DOCK5: variants seen among roughly 807,000 people sequenced by gnomAD.
DOCK5 encodes the protein dedicator of cytokinesis protein 5.
DOCK5 carries 142 observed loss-of-function variants against 251.8 expected under a neutral mutation model. The observed-to-expected ratio is 0.56, with a 90% CI of 0.49 to 0.65. The LOEUF (loss-of-function observed/expected upper bound fraction) is 0.65, where lower values mean the gene tolerates loss of function less well. Ranked by LOEUF, DOCK5 falls within the 30% of genes least tolerant of loss-of-function variation. The pLI is 0.00. For missense variants in DOCK5, 2,111 were observed against 2,312.3 expected, an observed-to-expected ratio of 0.91 and a Z score of 1.79; for synonymous variants, 842 against 835.5, an observed-to-expected ratio of 1.01 and a Z score of -0.13.
rs200398013 is a variant in DOCK5, at chr8:25,353,569, A to ATT, written c.2850+1753_2850+1754dup. Among the ~76,000 whole-genome samples the ATT allele has an allele frequency of 2.3e-3, 335 of 147,780 alleles. 1 individual carries two copies. The highest frequency in any genetic ancestry group is 7.9e-3 in the African/African-American group (319 of 40,540). ...GTCAGATTGTTGGCAAGGAAATACT[A>ATT]TTTTTTTTTTTACCAACAGAAAGAG... On this transcript the variant is annotated intron_variant, in intron 27 of 51. Coordinates refer to ENST00000276440, the MANE Select transcript of DOCK5 (RefSeq NM_024940.8).
In DOCK5 at chr8:25,415,542, T is replaced by C. The variant is rs1036296418; in HGVS notation, c.*4244T>C. 6.6e-6 allele frequency: 1 copy of C among 152,234 alleles called. No homozygotes were observed. Among genetic ancestry groups the C allele is most frequent in the Non-Finnish European group, 1.5e-5 (1 of 68,036 alleles). 9.4% of individuals were successfully genotyped at this position (152,234 alleles called of 1,614,324 possible). A position where few individuals can be genotyped will look rare whatever the true frequency, so the allele number is the denominator to read the frequency against. On this transcript the variant is annotated 3_prime_UTR_variant, in exon 52 of 52. Transcript: ENST00000276440. ...GTCCAAACTCATCTACTATTAGCCA[T>C]ATTTTGTGAGTCGTTTGTCTAAACT... is the stretch of plus-strand genomic sequence containing the variant.
In DOCK5 at chr8:25,293,305, T is replaced by C. The variant is rs1489415079; in HGVS notation, c.470+1133T>C. Among the ~76,000 whole-genome samples, 3 of 152,338 alleles carry C rather than the reference T, an allele frequency of 2.0e-5. No homozygotes were observed. In the East Asian group the frequency reaches 5.8e-4, roughly 29 times the overall value. On this transcript the variant is annotated intron_variant, in intron 6 of 51. Coordinates refer to ENST00000276440, the MANE Select transcript of DOCK5 (RefSeq NM_024940.8). Reference sequence around the variant, plus strand: ...AGACCTATTAAAATATAGATCATTATGCCACTTATTTAAATGTCATAGACT... The same window carrying C: ...AGACCTATTAAAATATAGATCATTACGCCACTTATTTAAATGTCATAGACT...
At chr8:25,315,280 C>T (rs186994401) in intron 13 of DOCK5, among the ~76,000 whole-genome samples, 1 of 151,688 alleles carries the variant, frequency 6.6e-6, no homozygotes, top group East Asian at 2.0e-4. Flanking sequence ...GCCACTCTCC[C>T]TGACTGTGCT....
At chr8:25,346,479 A>T (rs1464647432) in intron 26 of DOCK5, among the ~76,000 whole-genome samples, 2 of 151,974 alleles carry the variant, frequency 1.3e-5, no homozygotes, top group Non-Finnish European at 2.9e-5. Flanking sequence ...AATGGAAATT[A>T]TGTTTTCTCA....
intron 15 of DOCK5, 110 bp from the exon 16 acceptor site, chr8:25,320,870 C>G (rs1184705879): frequency 2.2e-5 from 19 of 879,854 alleles, no homozygotes; most frequent in East Asian, 2.6e-5. Flanking sequence ...ATCTCACTCT[C>G]TAGTAATTTG....
At chr8:25,229,068 C>CAAAAAAA in intron 1 of DOCK5, among the ~76,000 whole-genome samples, 2 of 87,630 alleles carry the variant, frequency 2.3e-5, no homozygotes, top group South Asian at 6.8e-4. Flanking sequence ...TCATGTCTAC[C>CAAAAAAA]AAAAAAAAAA....
intron 36 of DOCK5, among the ~76,000 whole-genome samples, 168 bp from the exon 37 acceptor site, chr8:25,374,396 A>G (rs7014005): frequency 0.46 from 70,525 of 151,952 alleles, 16,576 homozygotes; most frequent in Middle Eastern, 0.55. Context: ...TTAGGAGGCT[A>G]AGGTGGGTGG....
intron 2 of DOCK5, among the ~76,000 whole-genome samples, chr8:25,247,561 C>T (rs541763164): frequency 6.6e-6 from 1 of 151,968 alleles, no homozygotes; most frequent in Admixed American, 6.5e-5. Context: ...CACCACTACA[C>T]TCCAGCCTGG....
In DOCK5 at chr8:25,411,243, C is replaced by T; in HGVS notation, c.5558C>T (p.Pro1853Leu). ...VRREAKAPPPPPPKARKSGIP... is the reference protein window; with the variant it reads ...VRREAKAPPPLPPKARKSGIP... ...AGAGAAGCCAAAGCACCACCCCCTC[C>T]ACCTCCAAAGGCTCGGAAGTCTGGC... Residue 1853 changes from proline (P) to leucine (L), a missense_variant, in exon 52 of 52, where the codon CCA becomes CTA. By Grantham distance (98) the Pro-to-Leu change is moderately conservative. Transcript: ENST00000276440. The T allele has an allele frequency of 1.3e-6, 2 of 1,591,962 alleles. No homozygotes were observed. Among genetic ancestry groups the T allele is most frequent in the African/African-American group, 1.4e-5 (1 of 73,572 alleles).
At position 25,399,963 on chromosome 8, in the gene DOCK5, T is replaced by A; in HGVS notation, c.4757T>A (p.Val1586Asp). Residue 1586 changes from valine to aspartate, a missense_variant, in exon 46 of 52, where the codon GTT (valine) becomes GAT (aspartate). Physicochemically the swap from Val to Asp is radical, Grantham distance 152. Transcript: ENST00000276440. The part of the protein sequence containing the change: ...LQEHPEDQEK[V>D]ELLKRLIALQ... ...GAGCATCCTGAAGACCAGGAGAAGG[T>A]TGAGCTGCTAAAGCGACTAATAGCA... The A allele has an allele frequency of 6.2e-7, 1 of 1,613,688 alleles. No individual in the cohort carries two copies. The highest frequency in any genetic ancestry group is 8.5e-7 in the Non-Finnish European group (1 of 1,179,778).
At chr8:25,317,247 G>C in intron 14 of DOCK5, 116 bp downstream of exon 14, 1 of 1,471,756 alleles carries the variant, frequency 6.8e-7, no homozygotes, top group South Asian at 1.3e-5. Context: ...TTTTTCCTGA[G>C]AAAAGAAATA....
At chr8:25,282,122 G>A (rs1158634819) in intron 5 of DOCK5, among the ~76,000 whole-genome samples, 2 of 152,076 alleles carry the variant, frequency 1.3e-5, no homozygotes, top group African/African-American at 4.8e-5. Flanking sequence ...AATCCACTAA[G>A]ATTTGTTATT....
At chr8:25,284,204 G>T (rs1227157317) in intron 5 of DOCK5, among the ~76,000 whole-genome samples, 1 of 152,174 alleles carries the variant, frequency 6.6e-6, no homozygotes, top group African/African-American at 2.4e-5. Flanking sequence ...GGGATTTTAT[G>T]TGCTATATGC....
intron 28 of DOCK5, 145 bp from the exon 29 acceptor site, chr8:25,362,902 A>T: frequency 1.6e-6 from 1 of 631,730 alleles, no homozygotes; most frequent in Non-Finnish European, 2.8e-6. Flanking sequence ...ATGCTTTGTT[A>T]TTCCTAAAAC....
chr8:25,332,381 A>G, intron 19 of DOCK5, 33 bp downstream of exon 19: 2 of 1,507,178 alleles, frequency 1.3e-6, no homozygotes, highest in Non-Finnish European at 1.8e-6. Context: ...AGAAATACAC[A>G]TACCTACATA....
rs1419183464 is a variant in DOCK5 at position 25,279,966 on chromosome 8, T to C, written c.321+1301T>C. 6.6e-5 allele frequency among the ~76,000 whole-genome samples: 10 copies of C among 152,144 alleles called. No homozygotes were observed. The East Asian group carries it at 1.9e-3, about 29-fold the overall frequency. On this transcript the variant is annotated intron_variant, in intron 5 of 51. Transcript: ENST00000276440. ...TTTTAGTAGAGATGGGGTTTTACCA[T>C]GCTGGGCAGGCTGGTCTTGAACTCC...
intron 27 of DOCK5, among the ~76,000 whole-genome samples, chr8:25,355,529 G>C (rs548412782): frequency 2.0e-5 from 3 of 152,104 alleles, no homozygotes. Context: ...GGCTCACTGC[G>C]ACCTCCACCT....
intron 2 of DOCK5, among the ~76,000 whole-genome samples, chr8:25,254,491 T>A (rs1803359067): frequency 6.6e-6 from 1 of 151,984 alleles, no homozygotes; most frequent in Non-Finnish European, 1.5e-5. Context: ...AAGAGAAATT[T>A]GAGGGTGGGC....
intron 25 of DOCK5, among the ~76,000 whole-genome samples, chr8:25,343,300 G>T (rs1800288954): frequency 1.3e-5 from 2 of 152,030 alleles, no homozygotes; most frequent in African/African-American, 4.8e-5. Flanking sequence ...TAATTACCGT[G>T]CCCAGTCAGC....
Sources: allele counts gnomAD v4.1 joint callset (sites outside exome capture counted in the v4.1 genomes callset), GRCh38; gene constraint gnomAD v4.1.1; transcripts MANE v1.5; gene names NCBI Gene and HGNC (gene_info 2026-07-23, HGNC 2026-07-21).